The following MAGI1 variants were observed in gnomAD, a reference collection of about 807,000 sequenced individuals.
MAGI1 encodes the protein membrane associated guanylate kinase, WW and PDZ domain containing 1.
A neutral mutation model predicts 139.9 loss-of-function variants in MAGI1; 58 were observed. The ratio of observed to expected loss-of-function variants is 0.41; its 90% CI spans 0.34 to 0.52. The LOEUF (loss-of-function observed/expected upper bound fraction) is 0.52. Ranked by LOEUF, MAGI1 falls within the 20% of genes least tolerant of loss-of-function variation. MAGI1 has a pLI of 0.12. For synonymous variants in MAGI1, 812 were observed against 737.9 expected (o/e 1.10, Z -1.63); for missense variants, 1,874 against 1,901.6 (o/e 0.99, Z 0.27).
intron 1 of MAGI1, among the ~76,000 whole-genome samples, chr3:65,774,895 TTA>T (rs2107965177): frequency 6.6e-6 from 1 of 152,314 alleles, no homozygotes; most frequent in South Asian, 2.1e-4. Flanking sequence ...CATGAGTCAA[TTA>T]CTTAGCCTTT....
At chr3:65,831,020 TC>T (rs34708152) in intron 1 of MAGI1, among the ~76,000 whole-genome samples, 71,187 of 151,938 alleles carry the variant, frequency 0.47, 18,026 homozygotes, top group East Asian at 0.76. Context: ...CTCTCTGAGC[TC>T]CAATTGCTAA....
intron 1 of MAGI1, among the ~76,000 whole-genome samples, chr3:65,867,111 T>C (rs930627511): frequency 2.0e-5 from 3 of 152,180 alleles, no homozygotes; most frequent in Non-Finnish European, 4.4e-5. Context: ...TAAGAACATG[T>C]CTCTCACAAG....
intron 1 of MAGI1, among the ~76,000 whole-genome samples, chr3:65,932,596 T>G (rs1472683700): frequency 6.6e-6 from 1 of 152,170 alleles, no homozygotes; most frequent in Non-Finnish European, 1.5e-5. Context: ...CATCGGCACC[T>G]AATTGAAGCT....
chr3:65,417,260 C>A lies in MAGI1; in HGVS notation c.2167+12260G>T, dbSNP rs188458560. ...GGTGATGGGATGATCTGCAGCAAAC[C>A]ACCATGGCACACATTTACCTATGGA... On this transcript the variant is annotated intron_variant, in intron 12 of 22. Coordinates refer to ENST00000402939, the MANE Select transcript of MAGI1 (RefSeq NM_001033057.2). 1.8e-4 allele frequency among the ~76,000 whole-genome samples: 28 copies of A among 152,210 alleles called. No homozygotes were observed. In the East Asian group the frequency reaches 4.5e-3, roughly 24 times the overall value.
chr3:65,855,523 G>A (rs2059345217), intron 1 of MAGI1, among the ~76,000 whole-genome samples: 1 of 141,036 alleles, frequency 7.1e-6, no homozygotes, highest in South Asian at 2.5e-4. Context: ...GATCACTTAA[G>A]CCCCAGAGTT....
intron 1 of MAGI1, among the ~76,000 whole-genome samples, chr3:65,652,379 G>A (rs550769558): frequency 7.9e-5 from 12 of 152,116 alleles, no homozygotes; most frequent in East Asian, 5.8e-4. Context: ...CTATTGACAC[G>A]TGGGACCAGA....
chr3:65,508,350 G>T (rs1026358955), intron 2 of MAGI1, among the ~76,000 whole-genome samples: 2 of 152,026 alleles, frequency 1.3e-5, no homozygotes, highest in African/African-American at 4.8e-5. Flanking sequence ...CTTGCAGTGA[G>T]CCGAGATTGC....
rs547305395 is a variant in MAGI1 at position 65,601,377 on chromosome 3, G to T, written c.430+20595C>A. Among the ~76,000 whole-genome samples the T allele has an allele frequency of 4.6e-5, 7 of 152,238 alleles. No homozygotes were observed. In the East Asian group the frequency reaches 1.4e-3, roughly 29 times the overall value. On this transcript the variant is annotated intron_variant, in intron 2 of 22. Coordinates refer to ENST00000402939, the MANE Select transcript of MAGI1 (RefSeq NM_001033057.2). ...ACAGCCATTAACAGTCAAAGGGAAA[G>T]CAAAAATTCATAATAAAATCTGCAG...
intron 1 of MAGI1, among the ~76,000 whole-genome samples, chr3:65,912,734 A>G (rs2061722988): frequency 6.6e-6 from 1 of 152,204 alleles, no homozygotes. Context: ...GAGAATCAAA[A>G]GAAAGCATGA....
chr3:65,849,943 G>A (rs1445427430), intron 1 of MAGI1, among the ~76,000 whole-genome samples: 1 of 152,090 alleles, frequency 6.6e-6, no homozygotes, highest in Non-Finnish European at 1.5e-5. Context: ...TCTCTGAAAT[G>A]CAGATAAATT....
chr3:65,831,375 AG>A (rs2042518655), intron 1 of MAGI1, among the ~76,000 whole-genome samples: 1 of 152,244 alleles, frequency 6.6e-6, no homozygotes, highest in Non-Finnish European at 1.5e-5. Context: ...AACTAAAACA[AG>A]TACAGGCTGA....
rs1576437412 is a variant in MAGI1, at chr3:65,598,869, C to T, written c.430+23103G>A. On this transcript the variant is annotated intron_variant, in intron 2 of 22. Transcript: ENST00000402939. ...CTCTTCATCCACCTTAGTGAGAAAA[C>T]TTTATTGAGAGACCTCTAGCTTTGG... Among the ~76,000 whole-genome samples, 6 of 152,264 alleles carry T rather than the reference C, an allele frequency of 3.9e-5. No homozygotes were observed. In the South Asian group the frequency reaches 1.2e-3, roughly 32 times the overall value.
At chr3:65,951,801 C>A (rs2063874966) in intron 1 of MAGI1, among the ~76,000 whole-genome samples, 1 of 152,146 alleles carries the variant, frequency 6.6e-6, no homozygotes, top group Admixed American at 6.5e-5. Context: ...ACTATTATTA[C>A]CTCAGAATAA....
chr3:65,375,892 G>A lies in MAGI1; in HGVS notation c.3049C>T (p.Pro1017Ser). 1 of 1,614,072 alleles carries A rather than the reference G, an allele frequency of 6.2e-7. No homozygotes were observed. The highest frequency in any genetic ancestry group is 1.6e-4 in the Middle Eastern group (1 of 6,062). Reference protein sequence around the residue: ...HKIGRIIEGSPADRCGKLKVG... With the variant: ...HKIGRIIEGSSADRCGKLKVG... ...TTCAGCTTGCCACAGCGGTCAGCAGGGCTCCCCTCAATAATCCGACCTATT... is the reference window on the plus strand; with the variant it reads ...TTCAGCTTGCCACAGCGGTCAGCAGAGCTCCCCTCAATAATCCGACCTATT... Residue 1017 changes from proline to serine, a missense_variant, in exon 18 of 23, where the codon CCT (proline) becomes TCT (serine). Pro to Ser is a moderately conservative substitution (Grantham distance 74, BLOSUM62 -1). Around this residue, in one of 5 missense-constraint regions of MAGI1, gnomAD observed 653 missense variants for 644.5 expected, o/e 1.01. Transcript: ENST00000402939.
At chr3:65,706,737 T>C (rs1286362327) in intron 1 of MAGI1, among the ~76,000 whole-genome samples, 2 of 152,174 alleles carry the variant, frequency 1.3e-5, no homozygotes, top group African/African-American at 2.4e-5. Flanking sequence ...TGACTTCATG[T>C]TGACTACAGC....
intron 1 of MAGI1, among the ~76,000 whole-genome samples, chr3:65,789,056 C>G (rs2039579647): frequency 6.6e-6 from 1 of 152,188 alleles, no homozygotes; most frequent in South Asian, 2.1e-4. Context: ...CGACACCCAC[C>G]CGTAGTCCCA....
At chr3:65,832,222 T>C (rs1018808848) in intron 1 of MAGI1, among the ~76,000 whole-genome samples, 1 of 152,190 alleles carries the variant, frequency 6.6e-6, no homozygotes, top group Admixed American at 6.5e-5. Flanking sequence ...CTGGCAGAAA[T>C]GATGTCTCCC....
chr3:65,620,807 T>A (rs1043646101), intron 2 of MAGI1, among the ~76,000 whole-genome samples: 5 of 152,158 alleles, frequency 3.3e-5, no homozygotes, highest in African/African-American at 1.2e-4. Context: ...AAACCTCTTC[T>A]CCTCTCATAG....
chr3:65,498,963 C>G, intron 2 of MAGI1: 8 of 977,892 alleles, frequency 8.2e-6, no homozygotes, highest in Non-Finnish European at 9.7e-6. Flanking sequence ...ACATCCAGTA[C>G]CATGTCCCAA....
Sources: gnomAD v4.1 joint callset for allele counts (sites outside exome capture counted in the v4.1 genomes callset) on GRCh38, gnomAD v4.1.1 for gene constraint, gnomAD v4.1.1 regional missense constraint, MANE v1.5 for transcripts, NCBI Gene and HGNC (gene_info 2026-07-23, HGNC 2026-07-21) for gene names.